Variants in RNF38 observed in about 807,000 individuals in gnomAD.
RNF38 encodes ring finger protein 38.
A neutral mutation model predicts 67.2 loss-of-function variants in RNF38; 15 were observed. The ratio of observed to expected loss-of-function variants is 0.22; its 90% CI spans 0.15 to 0.34. RNF38 has a LOEUF of 0.34. Ranked by LOEUF, RNF38 falls within the 10% of genes least tolerant of loss-of-function variation. RNF38 has a pLI of 1.00. For synonymous variants in RNF38, 220 were observed against 218.8 expected, an observed-to-expected ratio of 1.01 and a Z score of -0.05; for missense variants, 524 against 639.9, an observed-to-expected ratio of 0.82 and a Z score of 1.95.
intron 2 of RNF38, among the ~76,000 whole-genome samples, chr9:36,416,571 G>C (rs1587098520): frequency 6.6e-6 from 1 of 151,882 alleles, no homozygotes; most frequent in Non-Finnish European, 1.5e-5. Flanking sequence ...AGGAAAATTT[G>C]CACTCAGTCA....
intron 2 of RNF38, among the ~76,000 whole-genome samples, chr9:36,409,003 A>G (rs1196376497): frequency 3.9e-5 from 6 of 152,192 alleles, no homozygotes; most frequent in Non-Finnish European, 8.8e-5. Context: ...CCTGGCCAAC[A>G]TGGTAAAACC....
chr9:36,355,902 A>G (rs944221763), intron 6 of RNF38, among the ~76,000 whole-genome samples: 1 of 152,190 alleles, frequency 6.6e-6, no homozygotes, highest in African/African-American at 2.4e-5. Flanking sequence ...GCTGGAGTGC[A>G]GTGGCATGAT....
intron 2 of RNF38, among the ~76,000 whole-genome samples, chr9:36,418,697 A>G (rs1411851153): frequency 1.3e-5 from 2 of 151,848 alleles, no homozygotes; most frequent in Non-Finnish European, 3.0e-5. Flanking sequence ...GAGGCAGGAG[A>G]ATCGCTTGAA....
At chr9:36,441,992 A>G (rs1365461881) in intron 1 of RNF38, among the ~76,000 whole-genome samples, 5 of 152,212 alleles carry the variant, frequency 3.3e-5, no homozygotes, top group African/African-American at 1.2e-4. Context: ...GACACTAATG[A>G]TAATTCTTTC....
Position 36,352,806 on chromosome 9 carries a change from T to G in RNF38, c.1114A>C (p.Arg372=). 1 of 1,614,072 alleles carries G rather than the reference T, an allele frequency of 6.2e-7. No individual in the cohort carries two copies. The highest frequency in any genetic ancestry group is 8.5e-7 in the Non-Finnish European group (1 of 1,179,970). ...GGTATTGGCTGCTGGGATCGGTATC[T>G]ACTACGTCCTGTAAGCCTCCGAGGC... is the stretch of plus-strand genomic sequence containing the variant. ...FMPRRLTGRS[R]YRSQQPIPPP... is the part of the protein sequence containing the mutation. Residue 372 remains arginine (R), a synonymous_variant, in exon 8 of 12, where the codon AGA becomes CGA. Coordinates refer to ENST00000259605, the MANE Select transcript of RNF38 (RefSeq NM_022781.5).
In RNF38 at chr9:36,413,358, T is replaced by C. The variant is rs991333925; in HGVS notation, n.312+11255A>G. Among the ~76,000 whole-genome samples, 13 of 152,298 alleles carry C rather than the reference T, an allele frequency of 8.5e-5. No homozygotes were observed. The East Asian group carries it at 1.7e-3, about 20-fold the overall frequency. ...CAGAAACCGATGCGGCACCATGCTT[T>C]GTATAAAGTCTGCAGAACTGCAAGC... On this transcript the variant is annotated intron_variant and non_coding_transcript_variant, in intron 2 of 3. Coordinates refer to the RNF38 transcript ENST00000488058.
chr9:36,345,622 T>C (rs922655309), intron 9 of RNF38, among the ~76,000 whole-genome samples: 1 of 152,248 alleles, frequency 6.6e-6, no homozygotes, highest in Non-Finnish European at 1.5e-5. Flanking sequence ...CTTTTTAGAA[T>C]ATAACCACAA....
chr9:36,480,548 C>CTTTT (rs3072687), intron 1 of RNF38, among the ~76,000 whole-genome samples: 56 of 100,810 alleles, frequency 5.6e-4, no homozygotes, highest in East Asian at 9.1e-4. Context: ...TTTTCTTTTT[C>CTTTT]TTTTTTTTTT....
intron 2 of RNF38, among the ~76,000 whole-genome samples, chr9:36,384,133 A>C (rs1279850970): frequency 1.3e-5 from 2 of 152,240 alleles, no homozygotes; most frequent in African/African-American, 4.8e-5. Context: ...TACAATTGTA[A>C]GTATCACTAT....
chr9:36,371,151 C>T (rs934140023), intron 3 of RNF38, among the ~76,000 whole-genome samples: 1 of 152,134 alleles, frequency 6.6e-6, no homozygotes, highest in African/African-American at 2.4e-5. Context: ...GGAAGAACTC[C>T]AAGTGTCATT....
At chr9:36,485,905 G>A (rs532703890) in intron 1 of RNF38, among the ~76,000 whole-genome samples, 14 of 152,258 alleles carry the variant, frequency 9.2e-5, no homozygotes, top group African/African-American at 3.1e-4. Flanking sequence ...GGGTGCTCAA[G>A]CTAGAACGTT....
At chr9:36,398,827 T>C (rs892072491) in intron 1 of RNF38, among the ~76,000 whole-genome samples, 47 of 152,210 alleles carry the variant, frequency 3.1e-4, no homozygotes, top group African/African-American at 1.0e-3. Context: ...TACAGAGAAA[T>C]AGGTGGAATA....
chr9:36,377,733 C>T (rs531896847), intron 2 of RNF38, among the ~76,000 whole-genome samples: 11 of 152,226 alleles, frequency 7.2e-5, no homozygotes, highest in East Asian at 1.9e-4. Context: ...TTGCATATAA[C>T]GTACACACAT....
At chr9:36,444,011 T>G (rs1839250592) in intron 1 of RNF38, among the ~76,000 whole-genome samples, 1 of 152,078 alleles carries the variant, frequency 6.6e-6, no homozygotes, top group Non-Finnish European at 1.5e-5. Flanking sequence ...CACAGGAAAA[T>G]GGACACCGAA....
At chr9:36,431,955 C>T (rs1838942326) in intron 1 of RNF38, among the ~76,000 whole-genome samples, 1 of 152,072 alleles carries the variant, frequency 6.6e-6, no homozygotes, top group Non-Finnish European at 1.5e-5. Flanking sequence ...TCTCTCACCC[C>T]AATCACTCAG....
chr9:36,454,128 CT>C (rs111987823), intron 1 of RNF38, among the ~76,000 whole-genome samples: 245 of 145,788 alleles, frequency 1.7e-3, no homozygotes, highest in East Asian at 3.0e-3. Flanking sequence ...TTCTTTCATA[CT>C]TTTTTTTTTT....
chr9:36,390,221 C>G (rs574572115), intron 2 of RNF38, among the ~76,000 whole-genome samples: 1 of 152,166 alleles, frequency 6.6e-6, no homozygotes, highest in East Asian at 1.9e-4. Context: ...GATTTAAGAC[C>G]AAAAGATCAA....
chr9:36,480,186 T>C (rs1227608557), intron 1 of RNF38, among the ~76,000 whole-genome samples: 1 of 151,814 alleles, frequency 6.6e-6, no homozygotes, highest in African/African-American at 2.4e-5. Flanking sequence ...ACCATGTTGC[T>C]CAGGCTGGTC....
intron 4 of RNF38, among the ~76,000 whole-genome samples, chr9:36,360,628 T>C (rs1252665968): frequency 1.3e-5 from 2 of 152,218 alleles, no homozygotes; most frequent in Non-Finnish European, 2.9e-5. Flanking sequence ...CCAACCTGAA[T>C]AAGGTTCAAC....
Sources: gnomAD v4.1 joint callset for allele counts (sites outside exome capture counted in the v4.1 genomes callset) on GRCh38, gnomAD v4.1.1 for gene constraint, MANE v1.5 for transcripts, NCBI Gene and HGNC (gene_info 2026-07-23, HGNC 2026-07-21) for gene names.